TET2: variants seen among roughly 807,000 people sequenced by gnomAD.
TET2 encodes tet methylcytosine dioxygenase 2.
TET2 carries 299 observed loss-of-function variants against 142.9 expected under a neutral mutation model. The observed-to-expected ratio is 2.09, with a 90% CI of 1.90 to 2.30. The LOEUF (loss-of-function observed/expected upper bound fraction) is 2.30, where lower values mean the gene tolerates loss of function less well. Ranked by LOEUF, TET2 falls within the 30% of genes most tolerant of loss-of-function variation. The probability of loss-of-function intolerance (pLI) is 0.00; values close to 1 mark genes in which losing one functional copy is unlikely to be tolerated. For missense variants in TET2, 2,418 were observed against 2,378.0 expected (o/e 1.02, Z -0.35); for synonymous variants, 819 against 849.0 (o/e 0.96, Z 0.61).
At chr4:105,209,905 T>C (rs1727060269) in intron 2 of TET2, among the ~76,000 whole-genome samples, 1 of 152,040 alleles carries the variant, frequency 6.6e-6, no homozygotes, top group African/African-American at 2.4e-5. Flanking sequence ...TATCCAGCAA[T>C]GAGATGGTGA....
At chr4:105,239,873 TCACTTGAA>T (rs1029716586) in intron 3 of TET2, 1 of 236,876 alleles carries the variant, frequency 4.2e-6, no homozygotes, top group Admixed American at 5.7e-5. Context: ...ACTCTTCCTT[TCACTTGAA>T]CACTTAGAGG....
chr4:105,185,563 G>C (rs1199458196), intron 1 of TET2, among the ~76,000 whole-genome samples: 1 of 151,856 alleles, frequency 6.6e-6, no homozygotes, highest in Non-Finnish European at 1.5e-5. Flanking sequence ...TGCGGATCAC[G>C]AGGTCAGGAG....
At chr4:105,166,629 A>C (rs1011271136) in intron 1 of TET2, among the ~76,000 whole-genome samples, 1 of 151,742 alleles carries the variant, frequency 6.6e-6, no homozygotes, top group African/African-American at 2.4e-5. Flanking sequence ...AGAAAAAAAA[A>C]CAGGGGTTTT....
intron 1 of TET2, among the ~76,000 whole-genome samples, chr4:105,151,249 T>C (rs1194853406): frequency 6.6e-6 from 1 of 152,110 alleles, no homozygotes; most frequent in Non-Finnish European, 1.5e-5. Context: ...TGAGCTCAAG[T>C]GTTCTAACTT....
At chr4:105,164,314 T>C (rs1276016978) in intron 1 of TET2, among the ~76,000 whole-genome samples, 1 of 152,246 alleles carries the variant, frequency 6.6e-6, no homozygotes, top group Non-Finnish European at 1.5e-5. Context: ...ATCCTGACTT[T>C]CCTTTTTATT....
Position 105,242,871 on chromosome 4 carries a change from G to A in TET2, c.3538G>A (p.Val1180Ile), listed in dbSNP as rs1376035821. Residue 1180 changes from valine (V) to isoleucine (I), a missense_variant, in exon 5 of 11, where the codon GTC (valine) becomes ATC (isoleucine). By Grantham distance (29) the Val-to-Ile change is conservative. Transcript: ENST00000380013. ...QKGKAIRIER[V>I]IYTGKEGKSS... ...GGGTAAAGCTATTAGGATTGAAAGAGTCATCTATACTGGTAAAGAAGGCAA... is the reference window on the plus strand; with the variant it reads ...GGGTAAAGCTATTAGGATTGAAAGAATCATCTATACTGGTAAAGAAGGCAA... 6.4e-7 allele frequency: 1 copy of A among 1,551,432 alleles called. No homozygotes were observed.
intron 1 of TET2, among the ~76,000 whole-genome samples, chr4:105,174,860 C>T (rs1249818005): frequency 6.6e-6 from 1 of 152,186 alleles, no homozygotes; most frequent in South Asian, 2.1e-4. Flanking sequence ...AGAGCCTAAA[C>T]TTTTGGGATT....
chr4:105,173,414 T>G (rs918699106), intron 1 of TET2, among the ~76,000 whole-genome samples: 1 of 150,620 alleles, frequency 6.6e-6, no homozygotes, highest in African/African-American at 2.4e-5. Context: ...GCTCCCGTAG[T>G]CCCAGCTACT....
Position 105,276,885 on chromosome 4 carries a change from AAT to A in TET2, c.*369_*370del, listed in dbSNP as rs1344889039. On this transcript the variant is annotated 3_prime_UTR_variant, in exon 11 of 11. Coordinates refer to ENST00000380013, the MANE Select transcript of TET2 (RefSeq NM_001127208.3). ...CTACACATCTGTGACCACTTTTAAT[AAT>A]ATCAAGTTTGCATAGTCATGGAACA... The A allele has an allele frequency of 5.2e-6, 1 of 192,586 alleles. No homozygotes were observed. Among genetic ancestry groups the A allele is most frequent in the Non-Finnish European group, 1.0e-5 (1 of 99,670 alleles). 11.9% of individuals were successfully genotyped at this position (192,586 alleles called of 1,614,324 possible).
intron 1 of TET2, among the ~76,000 whole-genome samples, chr4:105,180,889 G>A (rs544925660): frequency 6.6e-5 from 10 of 152,132 alleles, no homozygotes; most frequent in Non-Finnish European, 1.3e-4. Context: ...TCCACCCACC[G>A]CAGCCTCCCA....
chr4:105,229,033 T>C (rs745365920), intron 2 of TET2, among the ~76,000 whole-genome samples: 1 of 152,222 alleles, frequency 6.6e-6, no homozygotes, highest in Non-Finnish European at 1.5e-5. Flanking sequence ...AAATTGATGA[T>C]ACGTTTGATT....
intron 8 of TET2, among the ~76,000 whole-genome samples, chr4:105,266,289 A>AAAAC (rs1394328519): frequency 6.6e-6 from 1 of 152,184 alleles, no homozygotes; most frequent in African/African-American, 2.4e-5. Context: ...GCTTAAAATG[A>AAAAC]AAACATAGAA....
At chr4:105,204,266 C>CACACACATACAT (rs1443852779) in intron 2 of TET2, among the ~76,000 whole-genome samples, 2 of 140,098 alleles carry the variant, frequency 1.4e-5, no homozygotes, top group African/African-American at 3.1e-5. Context: ...CACACACACA[C>CACACACATACAT]ACATACATAC....
intron 8 of TET2, among the ~76,000 whole-genome samples, chr4:105,265,127 T>G (rs1730624331): frequency 6.6e-6 from 1 of 152,214 alleles, no homozygotes; most frequent in African/African-American, 2.4e-5. Flanking sequence ...CGTGTGCTAT[T>G]TATCATACAT....
At chr4:105,195,866 G>A (rs1489864153) in intron 2 of TET2, among the ~76,000 whole-genome samples, 1 of 152,128 alleles carries the variant, frequency 6.6e-6, no homozygotes, top group Non-Finnish European at 1.5e-5. Context: ...AATCTTGGTA[G>A]GAGTCTTGGG....
chr4:105,195,545 A>T (rs1217018739), intron 2 of TET2, among the ~76,000 whole-genome samples: 2 of 152,160 alleles, frequency 1.3e-5, no homozygotes, highest in Non-Finnish European at 2.9e-5. Flanking sequence ...AAAATAGTGC[A>T]GTATTTGCAC....
At chr4:105,227,009 G>A (rs1259746130) in intron 2 of TET2, among the ~76,000 whole-genome samples, 2 of 152,162 alleles carry the variant, frequency 1.3e-5, no homozygotes, top group East Asian at 1.9e-4. Flanking sequence ...GGAAAAAAGA[G>A]TAATATAATT....
intron 1 of TET2, among the ~76,000 whole-genome samples, chr4:105,149,404 A>G (rs1004383258): frequency 6.6e-5 from 10 of 152,234 alleles, no homozygotes; most frequent in Admixed American, 2.0e-4. Flanking sequence ...TACTGTATAA[A>G]GTATTTCAGT....
Position 105,275,173 on chromosome 4 carries a change from G to T in TET2, c.4663G>T (p.Glu1555Ter). 1 of 1,552,182 alleles carries T rather than the reference G, an allele frequency of 6.4e-7. No individual in the cohort carries two copies. Among genetic ancestry groups the T allele is most frequent in the Non-Finnish European group, 8.7e-7 (1 of 1,147,070 alleles). Reference protein sequence around the residue: ...QQQQPHHPQTESVNSYSASGS... With the variant: ...QQQQPHHPQT ...GCAGCAGCCACATCACCCTCAGACA[G>T]AGTCTGTCAACTCTTATTCTGCTTC... Residue 1555 changes from glutamate (E) to a stop codon, truncating the protein, a stop_gained, in exon 11 of 11, where the codon GAG (glutamate) becomes TAG (stop). Transcript: ENST00000380013. LOFTEE classifies it low-confidence loss of function (END_TRUNC).
Sources: gnomAD v4.1 joint callset for allele counts (sites outside exome capture counted in the v4.1 genomes callset) on GRCh38, gnomAD v4.1.1 for gene constraint, MANE v1.5 for transcripts, NCBI Gene and HGNC (gene_info 2026-07-23, HGNC 2026-07-21) for gene names.